The following IL31RA variants were observed in gnomAD, a reference collection of about 807,000 sequenced individuals.
The protein encoded by IL31RA is interleukin-31 receptor subunit alpha.
In IL31RA, 66 loss-of-function variants were observed where a neutral mutation model predicts 83.7. The ratio of observed to expected loss-of-function variants is 0.79; its 90% CI spans 0.65 to 0.97. IL31RA has a LOEUF of 0.97. Ranked by LOEUF, IL31RA falls within the 50% of genes least tolerant of loss-of-function variation. The probability of loss-of-function intolerance (pLI) is 0.00; values close to 1 mark genes in which losing one functional copy is unlikely to be tolerated. For synonymous variants in IL31RA, 325 were observed against 329.0 expected (o/e 0.99, Z 0.13); for missense variants, 798 against 919.4 (o/e 0.87, Z 1.71).
rs761443941 is a variant in IL31RA at position 55,921,253 on chromosome 5, G to A, written c.*4133G>A. On this transcript the variant is annotated 3_prime_UTR_variant, in exon 15 of 15. Coordinates refer to ENST00000652347, the MANE Select transcript of IL31RA (RefSeq NM_139017.7). ...GTCATGCTTAATTAACTCCTAACATGATCTGTGTGCACCTGTACACATTTT... is the reference window on the plus strand; with the variant it reads ...GTCATGCTTAATTAACTCCTAACATAATCTGTGTGCACCTGTACACATTTT... Among the ~76,000 whole-genome samples the A allele has an allele frequency of 1.3e-5, 2 of 152,166 alleles. No individual in the cohort carries two copies. Among genetic ancestry groups the A allele is most frequent in the Non-Finnish European group, 2.9e-5 (2 of 68,038 alleles).
intron 2 of IL31RA, among the ~76,000 whole-genome samples, chr5:55,861,146 G>A (rs969285966): frequency 6.6e-6 from 1 of 152,168 alleles, no homozygotes; most frequent in Non-Finnish European, 1.5e-5. Context: ...ACATAATTTA[G>A]CCTATAACAT....
intron 2 of IL31RA, among the ~76,000 whole-genome samples, chr5:55,865,752 G>T (rs1425612897): frequency 6.6e-6 from 1 of 152,104 alleles, no homozygotes; most frequent in African/African-American, 2.4e-5. Context: ...GAAAGAGGAG[G>T]GTGTGGGTAG....
chr5:55,840,952 C>T, the IL31RA span, among the ~76,000 whole-genome samples: 11 of 152,158 alleles, frequency 7.2e-5, no homozygotes, highest in Non-Finnish European at 1.6e-4. Flanking sequence ...CCATCCTTGG[C>T]ACATAGTAGA....
intron 4 of IL31RA, among the ~76,000 whole-genome samples, chr5:55,879,663 T>C (rs1006420658): frequency 5.3e-5 from 8 of 151,368 alleles, no homozygotes; most frequent in Admixed American, 6.6e-5. Flanking sequence ...ATCTCCTCAC[T>C]TTGTGATCCA....
intron 6 of IL31RA, among the ~76,000 whole-genome samples, chr5:55,892,143 G>C (rs909118859): frequency 1.3e-5 from 2 of 151,998 alleles, no homozygotes; most frequent in African/African-American, 2.4e-5. Flanking sequence ...ATGAATACTT[G>C]GTGATGGCCA....
In IL31RA at chr5:55,851,412, G is replaced by A. The variant is rs565205990; in HGVS notation, c.-159G>A. Reference sequence around the variant, plus strand: ...AGCACTCCAGCACTCTGCTTGGGGGGCATTCGAAACAGCAAAATCACTCAT... The same window carrying A: ...AGCACTCCAGCACTCTGCTTGGGGGACATTCGAAACAGCAAAATCACTCAT... On this transcript the variant is annotated 5_prime_UTR_variant, in exon 1 of 15. Transcript: ENST00000652347. 20 of 1,268,104 alleles carry A rather than the reference G, an allele frequency of 1.6e-5. No individual in the cohort carries two copies. The African/African-American group carries it at 2.1e-4, about 13-fold the overall frequency. 78.6% of individuals were successfully genotyped at this position (1,268,104 alleles called of 1,614,324 possible).
At chr5:55,853,646 A>G in intron 1 of IL31RA, 1 of 1,478,594 alleles carries the variant, frequency 6.8e-7, no homozygotes, top group South Asian at 1.2e-5. Context: ...TGTTTTCTTC[A>G]GTGAAATTAT....
At position 55,920,324 on chromosome 5, in the gene IL31RA, C is replaced by T. The variant is rs1561132117; in HGVS notation, c.*3204C>T. 6.6e-6 allele frequency among the ~76,000 whole-genome samples: 1 copy of T among 152,264 alleles called. No individual in the cohort carries two copies. The highest frequency in any genetic ancestry group is 1.5e-5 in the Non-Finnish European group (1 of 68,044). On this transcript the variant is annotated 3_prime_UTR_variant, in exon 15 of 15. Coordinates refer to ENST00000652347, the MANE Select transcript of IL31RA (RefSeq NM_139017.7). ...CCCTAGTTACTCCTGCTGCAGCAGG[C>T]ACCCTGCCACCCAGGGCAGTGGCCC...
intron 7 of IL31RA, among the ~76,000 whole-genome samples, chr5:55,896,846 T>G (rs1748405571): frequency 1.2e-5 from 1 of 84,268 alleles, no homozygotes; most frequent in Non-Finnish European, 2.3e-5. Context: ...TGGCAGAGTC[T>G]TGCTCAATCA....
chr5:55,878,773 C>A (rs1289939215), intron 4 of IL31RA, among the ~76,000 whole-genome samples: 1 of 152,132 alleles, frequency 6.6e-6, no homozygotes. Flanking sequence ...CCCACCTCAG[C>A]CTCCCAAGTG....
intron 4 of IL31RA, among the ~76,000 whole-genome samples, chr5:55,880,123 T>TA (rs1468164034): frequency 6.6e-6 from 1 of 152,162 alleles, no homozygotes; most frequent in African/African-American, 2.4e-5. Context: ...ATGATTCACC[T>TA]AAAAAAATAC....
intron 3 of IL31RA, among the ~76,000 whole-genome samples, chr5:55,871,294 G>T (rs1442392302): frequency 1.3e-5 from 2 of 152,142 alleles, no homozygotes; most frequent in Non-Finnish European, 2.9e-5. Context: ...GTCCTTTCTA[G>T]TTTCAAAATT....
In IL31RA at chr5:55,917,140, C is replaced by A. The variant is rs769949718; in HGVS notation, c.*20C>A. 1.2e-6 allele frequency: 2 copies of A among 1,613,888 alleles called. No individual in the cohort carries two copies. Among genetic ancestry groups the A allele is most frequent in the Non-Finnish European group, 1.7e-6 (2 of 1,180,028 alleles). The stretch of plus-strand genomic sequence containing the variant: ...GTCTAAATGCGACCATAGCATGAGA[C>A]CCTCGGGGCCTCAGTGTGGATGGCC... On this transcript the variant is annotated 3_prime_UTR_variant, in exon 15 of 15. Coordinates refer to ENST00000652347, the MANE Select transcript of IL31RA (RefSeq NM_139017.7).
chr5:55,901,402 G>T (rs1291614598), intron 8 of IL31RA, among the ~76,000 whole-genome samples: 2 of 151,962 alleles, frequency 1.3e-5, no homozygotes, highest in Non-Finnish European at 2.9e-5. Flanking sequence ...GCAGCCCCGG[G>T]TTCAAATCTT....
intron 1 of IL31RA, among the ~76,000 whole-genome samples, chr5:55,856,908 C>T (rs1406219313): frequency 2.0e-5 from 3 of 152,180 alleles, no homozygotes; most frequent in African/African-American, 4.8e-5. Context: ...AGTAGATTCC[C>T]GCAACTAAAT....
At chr5:55,913,290 C>T (rs1320188378) in intron 12 of IL31RA, among the ~76,000 whole-genome samples, 187 bp from the exon 13 acceptor site, 1 of 152,060 alleles carries the variant, frequency 6.6e-6, no homozygotes, top group Non-Finnish European at 1.5e-5. Flanking sequence ...CGGGGTTTCA[C>T]TATGTTGGCC....
In IL31RA at chr5:55,909,014, A is replaced by G. The variant is rs149176427; in HGVS notation, c.1501+603A>G. On this transcript the variant is annotated intron_variant, in intron 11 of 14. Transcript: ENST00000652347. ...AGAACTCTTCTATTTCTGCCCAAAT[A>G]GAAGCCCTATACCCATTCATTAGTC... is the stretch of plus-strand genomic sequence containing the variant. 22 of 521,640 alleles carry G rather than the reference A, an allele frequency of 4.2e-5. 1 individual carries two copies. Among genetic ancestry groups the G allele is most frequent in the Non-Finnish European group, 4.9e-5 (19 of 387,690 alleles). The allele number at this position is 521,640 out of a possible 1,614,324, so 32.3% of individuals were successfully genotyped here.
chr5:55,902,973 C>A (rs955274433), intron 8 of IL31RA, among the ~76,000 whole-genome samples: 1 of 152,186 alleles, frequency 6.6e-6, no homozygotes, highest in Admixed American at 6.5e-5. Context: ...CAACTTGTAC[C>A]ATATCCCACA....
At chr5:55,843,679 T>C in the IL31RA span, among the ~76,000 whole-genome samples, 4 of 152,234 alleles carry the variant, frequency 2.6e-5, no homozygotes. Flanking sequence ...AGGACTGTTA[T>C]GTCTTCTTGG....
Sources: gnomAD v4.1 joint callset for allele counts (sites outside exome capture counted in the v4.1 genomes callset) on GRCh38, gnomAD v4.1.1 for gene constraint, MANE v1.5 for transcripts, NCBI Gene and HGNC (gene_info 2026-07-23, HGNC 2026-07-21) for gene names.